Variants in ZFP64 observed in about 807,000 individuals in gnomAD.
ZFP64 encodes zinc finger protein 64.
A neutral mutation model predicts 51.6 loss-of-function variants in ZFP64; 14 were observed. The observed-to-expected ratio is 0.27, with a 90% CI of 0.18 to 0.42. ZFP64 has a LOEUF of 0.42. ZFP64 is among the 10% of genes least tolerant of loss of function. The pLI is 1.00. For synonymous variants in ZFP64, 375 were observed against 361.4 expected (o/e 1.04, Z -0.43); for missense variants, 754 against 906.8 (o/e 0.83, Z 2.16).
chr20:52,161,450 C>CTTTTTTTTTTTTTTTTTT (rs11469696), intron 4 of ZFP64, among the ~76,000 whole-genome samples: 1 of 115,148 alleles, frequency 8.7e-6, no homozygotes, highest in African/African-American at 3.3e-5. Flanking sequence ...TGATTGCTTT[C>CTTTTTTTTTTTTTTTTTT]TTTTTTTTTT....
intron 5 of ZFP64, among the ~76,000 whole-genome samples, chr20:52,141,234 G>A (rs916588877): frequency 3.3e-5 from 5 of 152,178 alleles, no homozygotes; most frequent in Non-Finnish European, 7.4e-5. Context: ...GGATGAGGGG[G>A]TAATTTTGAC....
At chr20:52,141,134 A>T (rs186897523) in intron 5 of ZFP64, among the ~76,000 whole-genome samples, 2 of 152,198 alleles carry the variant, frequency 1.3e-5, no homozygotes, top group African/African-American at 2.4e-5. Flanking sequence ...TTGACAATAC[A>T]TCTGGTCACC....
chr20:52,145,276 A>T (rs921554020), intron 5 of ZFP64, among the ~76,000 whole-genome samples: 2 of 152,252 alleles, frequency 1.3e-5, no homozygotes, highest in Admixed American at 6.5e-5. Context: ...AGAAATCCAT[A>T]CAGCACGTGA....
rs2078853773 is a variant in ZFP64, at chr20:52,085,396, GACA to G, written c.1229-133_1229-131del. ...TGAACTCTAAACCCAACCTCCTAATGACAACACTTGTTGTGCATATTAATGCAA... is the reference window on the plus strand; with the variant it reads ...TGAACTCTAAACCCAACCTCCTAATGACACTTGTTGTGCATATTAATGCAA... On this transcript the variant is annotated intron_variant, in intron 8 of 8. Transcript: ENST00000361387. The surrounding 1 kb of genome is among the most constrained non-coding windows in gnomAD (Gnocchi z 4.3). 1 of 953,444 alleles carries G rather than the reference GACA, an allele frequency of 1.0e-6. No homozygotes were observed. The highest frequency in any genetic ancestry group is 1.5e-6 in the Non-Finnish European group (1 of 652,490). 59.1% of individuals were successfully genotyped at this position (953,444 alleles called of 1,614,324 possible).
Position 52,085,114 on chromosome 20 carries a change from T to C in ZFP64, c.1381A>G (p.Ile461Val). The C allele has an allele frequency of 6.2e-7, 1 of 1,614,274 alleles. No individual in the cohort carries two copies. The highest frequency in any genetic ancestry group is 8.5e-7 in the Non-Finnish European group (1 of 1,180,054). The change falls in exon 9 of 9, where the codon ATC (isoleucine) becomes GTC (valine). Residue 461 changes from isoleucine to valine, a missense_variant. Ile to Val is a conservative substitution (Grantham distance 29). Transcript: ENST00000361387. The surrounding 1 kb of genome is among the most constrained non-coding windows in gnomAD (Gnocchi z 4.3). The stretch of plus-strand genomic sequence containing the variant: ...CATTTGAAGGTGTGCTTGATGCGGA[T>C]GTGCGATTTGAGATTCGCCTTCATG...
intron 5 of ZFP64, among the ~76,000 whole-genome samples, chr20:52,104,037 C>G (rs912525616): frequency 2.0e-5 from 3 of 152,148 alleles, no homozygotes; most frequent in Non-Finnish European, 4.4e-5. Flanking sequence ...TTTCCGCGCC[C>G]GGAAAGAGCG....
downstream of ZFP64, chr20:52,151,205 T>G: frequency 1.0e-6 from 1 of 984,828 alleles, no homozygotes; most frequent in South Asian, 4.7e-5. Context: ...TGCTTCAGTT[T>G]GTTTTTGATT....
At chr20:52,158,412 T>C (rs888525610) in intron 5 of ZFP64, among the ~76,000 whole-genome samples, 1 of 152,136 alleles carries the variant, frequency 6.6e-6, no homozygotes, top group Admixed American at 6.5e-5. Flanking sequence ...TTTGCAAAAA[T>C]GGTCCCAATT....
rs557663780 is a variant in ZFP64 at position 52,176,505 on chromosome 20, C to CTTTTTT, written c.286+10321_286+10326dup. ...ATTTCTAGCTTCTGGTTCAATCTCTCTTTTTTTTTTTTTTTGAGACGGAGT... is the reference window on the plus strand; with the variant it reads ...ATTTCTAGCTTCTGGTTCAATCTCTCTTTTTTTTTTTTTTTTTTTTTGAGACGGAGT... On this transcript the variant is annotated intron_variant, in intron 2 of 5. Transcript: ENST00000216923. Among the ~76,000 whole-genome samples the CTTTTTT allele has an allele frequency of 4.4e-5, 6 of 136,722 alleles. 1 individual carries two copies. The highest frequency in any genetic ancestry group is 8.3e-5 in the African/African-American group (3 of 36,116). The allele number at this position is 136,722 out of a possible 152,430, so 89.7% of individuals were successfully genotyped here. A position where few individuals can be genotyped will look rare whatever the true frequency, so the allele number is the denominator to read the frequency against.
chr20:52,088,512 T>C, exon 8 of ZFP64: 1 of 1,614,204 alleles, frequency 6.2e-7, no homozygotes, highest in South Asian at 1.1e-5. Flanking sequence ...AGGCTACTGC[T>C]GTCCACGGCA....
At chr20:52,110,520 G>A in intron 5 of ZFP64, 2 of 719,786 alleles carry the variant, frequency 2.8e-6, no homozygotes, top group South Asian at 1.6e-5. Flanking sequence ...TGATCTTCAG[G>A]TATTGCTCGG....
rs191628815 is a variant in ZFP64, at chr20:52,164,142, T to C, written c.511+553A>G. Among the ~76,000 whole-genome samples, 602 of 152,118 alleles carry C rather than the reference T, an allele frequency of 4.0e-3. 5 individuals carry two copies. The highest frequency in any genetic ancestry group is 0.013 in the African/African-American group (552 of 41,510). On this transcript the variant is annotated intron_variant, in intron 4 of 5. Transcript: ENST00000216923. ...CCTGGGCAACATGGTGAGACCCCACTCTCTACAAAAAATACACAACATTAG... is the reference window on the plus strand; with the variant it reads ...CCTGGGCAACATGGTGAGACCCCACCCTCTACAAAAAATACACAACATTAG...
At chr20:52,173,951 T>C (rs550066116) in intron 2 of ZFP64, among the ~76,000 whole-genome samples, 52 of 152,302 alleles carry the variant, frequency 3.4e-4, no homozygotes, top group Middle Eastern at 3.4e-3. Flanking sequence ...GTGCCCAGCC[T>C]ACATCCTTAC....
intron 2 of ZFP64, among the ~76,000 whole-genome samples, chr20:52,180,609 G>A (rs1294063946): frequency 6.7e-6 from 1 of 148,168 alleles, no homozygotes; most frequent in Non-Finnish European, 1.5e-5. Context: ...AATATTGACT[G>A]AGGGCTTGCT....
intron 7 of ZFP64, among the ~76,000 whole-genome samples, chr20:52,090,663 G>A (rs2078914599): frequency 6.6e-6 from 1 of 152,042 alleles, no homozygotes; most frequent in African/African-American, 2.4e-5. Flanking sequence ...GCTGGGCTTG[G>A]TGATGCACAC....
rs1012066647 is a variant in ZFP64, at chr20:52,172,815, C to A, written c.287-6790G>T. Among the ~76,000 whole-genome samples, 47 of 152,278 alleles carry A rather than the reference C, an allele frequency of 3.1e-4. 1 individual carries two copies. Among genetic ancestry groups the A allele is most frequent in the South Asian group, 6.2e-4 (3 of 4,826 alleles). ...GAGATCAGACCCTGTCCCCGATACC[C>A]CAAGAAGCTCACAGCCTCACACACC... is the stretch of plus-strand genomic sequence containing the variant. On this transcript the variant is annotated intron_variant, in intron 2 of 5. Coordinates refer to ENST00000216923, the MANE Select transcript of ZFP64 (RefSeq NM_018197.3).
intron 5 of ZFP64, among the ~76,000 whole-genome samples, chr20:52,131,668 A>T (rs1979729362): frequency 6.6e-6 from 1 of 152,244 alleles, no homozygotes; most frequent in Non-Finnish European, 1.5e-5. Context: ...GCAAAAAGAT[A>T]TCGCAGTTTT....
Position 52,191,404 on chromosome 20 carries a change from C to T in ZFP64, c.46+187G>A, listed in dbSNP as rs1984357775. 6.6e-6 allele frequency among the ~76,000 whole-genome samples: 1 copy of T among 152,130 alleles called. No homozygotes were observed. Among genetic ancestry groups the T allele is most frequent in the African/African-American group, 2.4e-5 (1 of 41,442 alleles). ...GTCTTGCGCCAGGTCGGGTGCGCCC[C>T]CACCCCAAGCCCACTCCGGCGCCCC... On this transcript the variant is annotated intron_variant, in intron 1 of 5. Coordinates refer to ENST00000216923, the MANE Select transcript of ZFP64 (RefSeq NM_018197.3). This position sits in a 1 kb window ranked among gnomAD's most constrained non-coding sequence, Gnocchi z 4.3.
chr20:52,084,963 C>T (rs2078848710), exon 9 of ZFP64: 2 of 1,613,904 alleles, frequency 1.2e-6, no homozygotes, highest in Non-Finnish European at 1.7e-6. Flanking sequence ...GCTGTGCACG[C>T]GCAGGGCGGC....
Sources: gnomAD v4.1 joint callset for allele counts (sites outside exome capture counted in the v4.1 genomes callset) on GRCh38, gnomAD v4.1.1 for gene constraint, Gnocchi (gnomAD v3.1) non-coding constraint, MANE v1.5 for transcripts, NCBI Gene and HGNC (gene_info 2026-07-23, HGNC 2026-07-21) for gene names.